The following REC114 variants were observed in gnomAD, a reference collection of about 807,000 sequenced individuals.
The protein encoded by REC114 is meiotic recombination protein REC114.
In REC114, 27 loss-of-function variants were observed where a neutral mutation model predicts 31.3. The observed-to-expected ratio is 0.86, with a 90% CI of 0.64 to 1.19. The LOEUF (loss-of-function observed/expected upper bound fraction) is 1.19. Ranked by LOEUF, REC114 falls within the 50% of genes most tolerant of loss-of-function variation. The pLI is 0.00. For synonymous variants in REC114, 134 were observed against 127.7 expected, an observed-to-expected ratio of 1.05 and a Z score of -0.33; for missense variants, 344 against 326.9, an observed-to-expected ratio of 1.05 and a Z score of -0.40.
At chr15:73,468,382 C>A (rs1311091367) in intron 1 of REC114, among the ~76,000 whole-genome samples, 1 of 151,960 alleles carries the variant, frequency 6.6e-6, no homozygotes, top group African/African-American at 2.4e-5. Context: ...GGTTCTAGTT[C>A]TTCATTAGTG....
chr15:73,475,618 T>G (rs1893200829), intron 2 of REC114, among the ~76,000 whole-genome samples: 1 of 152,222 alleles, frequency 6.6e-6, no homozygotes, highest in African/African-American at 2.4e-5. Flanking sequence ...TTTTAAAATT[T>G]TTTTGAAGTT....
intron 4 of REC114, among the ~76,000 whole-genome samples, chr15:73,554,192 A>C (rs1894430453): frequency 1.3e-5 from 2 of 152,188 alleles, no homozygotes; most frequent in Non-Finnish European, 2.9e-5. Context: ...TGATAAGTTA[A>C]AGCCATTGGA....
At chr15:73,552,424 A>ATTT (rs1422570912) in intron 4 of REC114, among the ~76,000 whole-genome samples, 5 of 152,210 alleles carry the variant, frequency 3.3e-5, no homozygotes, top group Non-Finnish European at 5.9e-5. Flanking sequence ...TAGAAAAGTT[A>ATTT]TTTTCCATAA....
intron 5 of REC114, among the ~76,000 whole-genome samples, chr15:73,557,621 G>A (rs1894491378): frequency 6.6e-6 from 1 of 152,088 alleles, no homozygotes; most frequent in Admixed American, 6.5e-5. Context: ...TGGGGTTAGG[G>A]GCTAACTGAA....
At chr15:73,519,438 C>T (rs1893905262) in intron 2 of REC114, among the ~76,000 whole-genome samples, 1 of 152,178 alleles carries the variant, frequency 6.6e-6, no homozygotes, top group Non-Finnish European at 1.5e-5. Context: ...CATAAACCAC[C>T]AGTGTATGAC....
chr15:73,530,027 A>G (rs1296390558), intron 2 of REC114, among the ~76,000 whole-genome samples: 2 of 152,206 alleles, frequency 1.3e-5, no homozygotes, highest in East Asian at 1.9e-4. Context: ...CAAATAGCCT[A>G]TAGTTCAGCA....
chr15:73,486,999 C>T (rs1286512806), intron 2 of REC114, among the ~76,000 whole-genome samples: 1 of 151,548 alleles, frequency 6.6e-6, no homozygotes, highest in East Asian at 1.9e-4. Context: ...CCAGCCTGGA[C>T]AACAAGAGCG....
intron 2 of REC114, among the ~76,000 whole-genome samples, chr15:73,490,940 A>T (rs1893432758): frequency 6.6e-6 from 1 of 152,128 alleles, no homozygotes; most frequent in African/African-American, 2.4e-5. Context: ...TTATTGTAAT[A>T]TGTGCTCTTT....
At chr15:73,517,520 G>T (rs1052906541) in intron 2 of REC114, among the ~76,000 whole-genome samples, 1 of 151,926 alleles carries the variant, frequency 6.6e-6, no homozygotes, top group South Asian at 2.1e-4. Flanking sequence ...TTAGAAGTGA[G>T]GGGGGGAAAG....
Position 73,528,179 on chromosome 15 carries a change from C to G in REC114, c.250-12306C>G, listed in dbSNP as rs527464156. Among the ~76,000 whole-genome samples the G allele has an allele frequency of 5.9e-5, 9 of 152,182 alleles. No individual in the cohort carries two copies. The South Asian group carries it at 1.9e-3, about 32-fold the overall frequency. On this transcript the variant is annotated intron_variant, in intron 2 of 5. Coordinates refer to ENST00000331090, the MANE Select transcript of REC114 (RefSeq NM_001042367.2). The stretch of plus-strand genomic sequence containing the variant: ...ATTTATCCCACCTTTCCTATTTTTA[C>G]CTAGTATAACAAAATAGTTGATGAG...
intron 2 of REC114, among the ~76,000 whole-genome samples, chr15:73,502,549 T>C (rs750583872): frequency 1.5e-4 from 23 of 152,192 alleles, no homozygotes; most frequent in Non-Finnish European, 3.1e-4. Flanking sequence ...ATTTACTTTT[T>C]ATTAAGTGGA....
At chr15:73,559,603 A>G (rs1595886008) in intron 5 of REC114, 149 bp from the exon 6 acceptor site, 1 of 554,906 alleles carries the variant, frequency 1.8e-6, no homozygotes, top group Non-Finnish European at 3.0e-6. Flanking sequence ...CAGTAAAACT[A>G]TGTAAAGGAA....
intron 3 of REC114, among the ~76,000 whole-genome samples, chr15:73,548,314 G>A (rs938612551): frequency 6.6e-6 from 1 of 152,176 alleles, no homozygotes. Context: ...TCACCATGTT[G>A]GCCAGGATGG....
chr15:73,505,124 T>C (rs1344619822), intron 2 of REC114, among the ~76,000 whole-genome samples: 1 of 152,156 alleles, frequency 6.6e-6, no homozygotes, highest in Non-Finnish European at 1.5e-5. Context: ...CTATGTCTTA[T>C]TTATCTTTTA....
At chr15:73,500,955 T>G (rs1257974259) in intron 2 of REC114, among the ~76,000 whole-genome samples, 2 of 152,112 alleles carry the variant, frequency 1.3e-5, no homozygotes, top group African/African-American at 4.8e-5. Flanking sequence ...CCCCATGGTC[T>G]TATGTATTTA....
At chr15:73,518,314 G>A (rs1026085087) in intron 2 of REC114, among the ~76,000 whole-genome samples, 1 of 152,176 alleles carries the variant, frequency 6.6e-6, no homozygotes, top group African/African-American at 2.4e-5. Context: ...AACTGAGTCA[G>A]GGGCTTAACC....
At chr15:73,475,987 A>G (rs1201271265) in intron 2 of REC114, among the ~76,000 whole-genome samples, 3 of 152,164 alleles carry the variant, frequency 2.0e-5, no homozygotes, top group African/African-American at 4.8e-5. Context: ...ACGGTTGCCT[A>G]CAGGGTTCAG....
chr15:73,501,755 T>C (rs1184133148), intron 2 of REC114, among the ~76,000 whole-genome samples: 1 of 152,154 alleles, frequency 6.6e-6, no homozygotes, highest in African/African-American at 2.4e-5. Context: ...ACCAGTTTTA[T>C]TATTAAAGAA....
intron 2 of REC114, among the ~76,000 whole-genome samples, chr15:73,497,151 C>A (rs542435029): frequency 6.6e-6 from 1 of 152,260 alleles, no homozygotes; most frequent in East Asian, 1.9e-4. Flanking sequence ...TAATTAACAA[C>A]TATGTTGCCA....
Sources: allele counts gnomAD v4.1 joint callset (sites outside exome capture counted in the v4.1 genomes callset), GRCh38; gene constraint gnomAD v4.1.1; transcripts MANE v1.5; gene names NCBI Gene and HGNC (gene_info 2026-07-23, HGNC 2026-07-21).